The following CHD1L variants were observed in gnomAD, a reference collection of about 807,000 sequenced individuals.
CHD1L encodes the protein ATP-dependent chromatin remodeler CHD1L.
A neutral mutation model predicts 115.9 loss-of-function variants in CHD1L; 118 were observed. The ratio of observed to expected loss-of-function variants is 1.02; its 90% CI spans 0.88 to 1.19. The LOEUF is 1.19. Ranked by LOEUF, CHD1L falls within the 50% of genes most tolerant of loss-of-function variation. The pLI, the probability that CHD1L is intolerant of heterozygous loss-of-function variation, is 0.00. For synonymous variants in CHD1L, 411 were observed against 387.1 expected (o/e 1.06, Z -0.72); for missense variants, 1,179 against 1,065.3 (o/e 1.11, Z -1.49).
chr1:147,223,918 T>C, the CHD1L span: 2 of 366,078 alleles, frequency 5.5e-6, no homozygotes, highest in South Asian at 2.2e-5. Context: ...AGAAGAAAGC[T>C]GCTAGCAAAG....
At position 147,269,680 on chromosome 1, in the gene CHD1L, A is replaced by AAAAG. The variant is rs1313846140; in HGVS notation, c.1085+805_1085+806insGAAA. 1.7e-4 allele frequency among the ~76,000 whole-genome samples: 25 copies of AAAAG among 151,094 alleles called. 1 individual carries two copies. Among genetic ancestry groups the AAAAG allele is most frequent in the Admixed American group, 4.0e-4 (6 of 15,146 alleles). Reference sequence around the variant, plus strand: ...GAGGCTCCATCTCAAAAAAAAAAAAAAAAAAAAGACCAGGTTCAGTTAGTG... The same window carrying AAAAG: ...GAGGCTCCATCTCAAAAAAAAAAAAAAAAGAAAAAAAGACCAGGTTCAGTTAGTG... On this transcript the variant is annotated intron_variant, in intron 10 of 22. Coordinates refer to ENST00000369258, the MANE Select transcript of CHD1L (RefSeq NM_004284.6).
chr1:147,249,963 A>AT (rs1413549429), intron 1 of CHD1L, among the ~76,000 whole-genome samples: 2 of 150,606 alleles, frequency 1.3e-5, no homozygotes, highest in African/African-American at 4.9e-5. Flanking sequence ...GAGTTCACTG[A>AT]TTCTTTCCTC....
chr1:147,253,253 C>T (rs1329267994), intron 2 of CHD1L, among the ~76,000 whole-genome samples: 11 of 152,136 alleles, frequency 7.2e-5, no homozygotes, highest in South Asian at 2.1e-4. Context: ...AGTAACTCCA[C>T]ACTTGTTTTG....
intron 14 of CHD1L, among the ~76,000 whole-genome samples, chr1:147,279,811 T>C (rs1188056585): frequency 6.6e-6 from 1 of 152,166 alleles, no homozygotes; most frequent in Non-Finnish European, 1.5e-5. Flanking sequence ...TCAAAGTCAA[T>C]ACCTCTGATA....
the CHD1L span, among the ~76,000 whole-genome samples, chr1:147,205,752 T>A: frequency 1.3e-5 from 2 of 152,154 alleles, no homozygotes; most frequent in Non-Finnish European, 2.9e-5. Context: ...TTACACCTTA[T>A]ACAAAAATTA....
chr1:147,279,074 C>T (rs1679784869), intron 14 of CHD1L, among the ~76,000 whole-genome samples: 2 of 152,110 alleles, frequency 1.3e-5, no homozygotes, highest in Admixed American at 1.3e-4. Context: ...GCTGCCAAAG[C>T]CAGTCATCCT....
chr1:147,203,787 T>A, the CHD1L span: 1 of 1,546,392 alleles, frequency 6.5e-7, no homozygotes, highest in Non-Finnish European at 8.9e-7. Flanking sequence ...TCCATCAGAT[T>A]GTCTGTAGAG....
intron 20 of CHD1L, 120 bp from the exon 21 acceptor site, chr1:147,293,488 G>GA (rs1686370897): frequency 4.1e-6 from 3 of 736,848 alleles, no homozygotes; most frequent in Non-Finnish European, 7.1e-6. Flanking sequence ...CATAGCATCC[G>GA]AAAGAGACAG....
At chr1:147,213,377 C>T in the CHD1L span, 2 of 1,613,724 alleles carry the variant, frequency 1.2e-6, no homozygotes, top group South Asian at 1.1e-5. Context: ...CCATCAAAGA[C>T]ATTCATCTCC....
chr1:147,272,903 GAAA>G (rs35351060), intron 12 of CHD1L, among the ~76,000 whole-genome samples: 1 of 141,424 alleles, frequency 7.1e-6, no homozygotes, highest in Non-Finnish European at 1.5e-5. Flanking sequence ...GTGGTGTCTG[GAAA>G]AAAAAAAAAA....
At chr1:147,231,619 C>A in the CHD1L span, among the ~76,000 whole-genome samples, 1 of 152,042 alleles carries the variant, frequency 6.6e-6, no homozygotes. Context: ...TTAAAGTCTC[C>A]CATTATTATT....
At chr1:147,205,953 A>G in the CHD1L span, among the ~76,000 whole-genome samples, 1 of 152,206 alleles carries the variant, frequency 6.6e-6, no homozygotes, top group Admixed American at 6.5e-5. Context: ...GCACAGCAAA[A>G]GAAACTACCA....
rs368115096 is a variant in CHD1L at position 147,270,939 on chromosome 1, C to T, written c.1093C>T (p.Arg365Trp). The T allele has an allele frequency of 9.5e-5, 154 of 1,613,752 alleles. 1 individual carries two copies. Among genetic ancestry groups the T allele is most frequent in the Middle Eastern group, 8.2e-4 (5 of 6,082 alleles). ...LLAFLYSGGH[R>W]VLLFSQMTQM... The stretch of plus-strand genomic sequence containing the variant: ...TTTTCTTTTTCTTGCCAGGGGCCAT[C>T]GGGTTTTACTTTTCTCCCAAATGAC... The change falls in exon 11 of 23, where the codon CGG (arginine) becomes TGG (tryptophan). Residue 365 changes from arginine to tryptophan, a missense_variant. Coordinates refer to ENST00000369258, the MANE Select transcript of CHD1L (RefSeq NM_004284.6).
At chr1:147,197,128 C>T in the CHD1L span, among the ~76,000 whole-genome samples, 1 of 152,168 alleles carries the variant, frequency 6.6e-6, no homozygotes, top group South Asian at 2.1e-4. Context: ...TCCTTCATTC[C>T]TATAACACTT....
intron 9 of CHD1L, 145 bp downstream of exon 9, chr1:147,267,663 T>C: frequency 1.6e-6 from 1 of 626,952 alleles, no homozygotes; most frequent in Non-Finnish European, 2.8e-6. Flanking sequence ...TTAACTCATA[T>C]ATTCATGTTC....
chr1:147,259,573 T>C, intron 5 of CHD1L: 1 of 296,556 alleles, frequency 3.4e-6, no homozygotes, highest in Non-Finnish European at 6.3e-6. Context: ...AATGTTTCCT[T>C]TTCCTTTCTG....
At chr1:147,212,877 T>C in the CHD1L span, among the ~76,000 whole-genome samples, 4 of 152,144 alleles carry the variant, frequency 2.6e-5, no homozygotes, top group Non-Finnish European at 5.9e-5. Flanking sequence ...TTACAGCACA[T>C]ATATTCTTAT....
chr1:147,240,987 T>C (rs962701556), upstream of CHD1L, among the ~76,000 whole-genome samples: 8 of 9,796 alleles, frequency 8.2e-4, no homozygotes, highest in Non-Finnish European at 1.4e-3. Flanking sequence ...ACTTTGTCTC[T>C]GTGTCTCTTT....
Position 147,275,467 on chromosome 1 carries a change from A to T in CHD1L, c.1384A>T (p.Lys462Ter). The change falls in exon 13 of 23, where the codon AAG becomes TAG. Residue 462 changes from lysine (K) to a stop codon, truncating the protein, a stop_gained and splice_region_variant. Transcript: ENST00000369258. LOFTEE classifies it high-confidence loss of function. ...AARAHRIGQN[K>*]SVKVIRLIGR... Reference sequence around the variant, plus strand: ...CAGGGCTCATCGCATTGGCCAAAACAAGTAAGTGATTTTTTTCTGCTTCCT... The same window carrying T: ...CAGGGCTCATCGCATTGGCCAAAACTAGTAAGTGATTTTTTTCTGCTTCCT... The T allele has an allele frequency of 1.2e-6, 2 of 1,612,558 alleles. No individual in the cohort carries two copies. Among genetic ancestry groups the T allele is most frequent in the Non-Finnish European group, 1.7e-6 (2 of 1,178,622 alleles).
Sources: allele counts gnomAD v4.1 joint callset (sites outside exome capture counted in the v4.1 genomes callset), GRCh38; gene constraint gnomAD v4.1.1; transcripts MANE v1.5; gene names NCBI Gene and HGNC (gene_info 2026-07-23, HGNC 2026-07-21).